PTPRD: variants seen among roughly 807,000 people sequenced by gnomAD.
PTPRD encodes the protein receptor-type tyrosine-protein phosphatase delta.
A neutral mutation model predicts 214.5 loss-of-function variants in PTPRD; 34 were observed. The observed-to-expected ratio is 0.16, with a 90% CI of 0.12 to 0.21. PTPRD has a LOEUF of 0.21. PTPRD is among the 10% of genes least tolerant of loss of function. The pLI is 1.00. For synonymous variants in PTPRD, 1,128 were observed against 845.7 expected, an observed-to-expected ratio of 1.33 and a Z score of -5.79; for missense variants, 2,545 against 2,398.7, an observed-to-expected ratio of 1.06 and a Z score of -1.27.
At chr9:8,733,691 T>A in intron 12 of PTPRD, 89 bp downstream of exon 12, 2 of 1,316,832 alleles carry the variant, frequency 1.5e-6, no homozygotes, top group Non-Finnish European at 1.1e-6. Context: ...CCAAAGGAAA[T>A]GTATTCAGAG....
rs1459384641 is a variant in PTPRD at position 8,615,565 on chromosome 9, T to C, written c.352+17752A>G. ...TTTAGAAGCATTAGTTCACATTGCT[T>C]AAAAGACTAGCTAGCCTCAAGGGTA... On this transcript the variant is annotated intron_variant, in intron 14 of 45. Transcript: ENST00000381196. Among the ~76,000 whole-genome samples the C allele has an allele frequency of 5.8e-4, 88 of 152,068 alleles. 1 individual carries two copies. The highest frequency in any genetic ancestry group is 5.8e-3 in the Admixed American group (88 of 15,230).
chr9:9,213,732 T>C (rs896529810), intron 9 of PTPRD, among the ~76,000 whole-genome samples: 4 of 152,146 alleles, frequency 2.6e-5, no homozygotes, highest in South Asian at 2.1e-4. Flanking sequence ...TCATGTGAGA[T>C]GAAAGTAAGG....
At chr9:9,140,219 A>G (rs566293219) in intron 10 of PTPRD, among the ~76,000 whole-genome samples, 5 of 152,176 alleles carry the variant, frequency 3.3e-5, no homozygotes, top group African/African-American at 1.2e-4. Flanking sequence ...GAAAAAGAAA[A>G]AAAAGAAAAA....
At chr9:9,776,158 T>C (rs767312242) in intron 5 of PTPRD, among the ~76,000 whole-genome samples, 3 of 152,212 alleles carry the variant, frequency 2.0e-5, no homozygotes, top group South Asian at 2.1e-4. Flanking sequence ...CTAAACCACT[T>C]GCTGTCCACT....
At chr9:9,638,438 T>C (rs1283106288) in intron 7 of PTPRD, among the ~76,000 whole-genome samples, 2 of 152,196 alleles carry the variant, frequency 1.3e-5, no homozygotes, top group Non-Finnish European at 2.9e-5. Context: ...ATTTATCCAG[T>C]TTTAAATATC....
At chr9:10,356,782 G>A (rs561650115) in intron 2 of PTPRD, among the ~76,000 whole-genome samples, 2 of 151,746 alleles carry the variant, frequency 1.3e-5, no homozygotes, top group Non-Finnish European at 2.9e-5. Flanking sequence ...CAAGTTCAAG[G>A]GGTTCTCCTG....
chr9:10,310,726 G>A (rs190789535), intron 3 of PTPRD, among the ~76,000 whole-genome samples: 3 of 152,210 alleles, frequency 2.0e-5, no homozygotes, highest in Admixed American at 1.3e-4. Flanking sequence ...TTTGGTATAT[G>A]TATGCATTCC....
chr9:10,083,568 A>G (rs181392462), intron 3 of PTPRD, among the ~76,000 whole-genome samples: 4 of 152,170 alleles, frequency 2.6e-5, no homozygotes, highest in African/African-American at 9.6e-5. Context: ...AGAACTTAAT[A>G]TATAAATGCA....
intron 39 of PTPRD, among the ~76,000 whole-genome samples, chr9:8,343,855 C>G (rs900111747): frequency 6.6e-6 from 1 of 151,944 alleles, no homozygotes; most frequent in Non-Finnish European, 1.5e-5. Context: ...ATGAGCAGCC[C>G]GTCCCGGTAA....
intron 11 of PTPRD, among the ~76,000 whole-genome samples, chr9:8,778,184 C>T (rs560015428): frequency 1.3e-5 from 2 of 152,186 alleles, no homozygotes; most frequent in Admixed American, 6.5e-5. Flanking sequence ...AATTTAAGGC[C>T]GGCGTGATAG....
At position 9,089,810 on chromosome 9, in the gene PTPRD, C is replaced by G. The variant is rs324465; in HGVS notation, c.-142-71075G>C. Among the ~76,000 whole-genome samples, 639 of 151,996 alleles carry G rather than the reference C, an allele frequency of 4.2e-3. 8 individuals carry two copies. Among genetic ancestry groups the G allele is most frequent in the South Asian group, 0.026 (124 of 4,824 alleles). On this transcript the variant is annotated intron_variant, in intron 10 of 45. Transcript: ENST00000381196. ...TTCCAAAGTAAGAAATAAGGAAACA[C>G]CTATAATATGTGGGGAAAGCAGAAG...
chr9:10,515,098 C>T (rs1333637545), intron 2 of PTPRD, among the ~76,000 whole-genome samples: 1 of 151,864 alleles, frequency 6.6e-6, no homozygotes, highest in Non-Finnish European at 1.5e-5. Context: ...TTATCCCACC[C>T]ACAATTTCTC....
At position 10,014,549 on chromosome 9, in the gene PTPRD, A is replaced by T. The variant is rs115639711; in HGVS notation, c.-472+19169T>A. On this transcript the variant is annotated intron_variant, in intron 4 of 45. Transcript: ENST00000381196. ...CTCTAGAAATAATGCATTTCCTTAC[A>T]AAATTATATTTTATTTACATGTCAT... Among the ~76,000 whole-genome samples the T allele has an allele frequency of 6.5e-3, 995 of 152,142 alleles. 9 individuals carry two copies. Among genetic ancestry groups the T allele is most frequent in the African/African-American group, 0.022 (927 of 41,558 alleles).
At chr9:8,349,937 T>TTG (rs1470623302) in intron 39 of PTPRD, among the ~76,000 whole-genome samples, 34 of 151,964 alleles carry the variant, frequency 2.2e-4, no homozygotes, top group African/African-American at 8.0e-4. Flanking sequence ...TTAGTGGTTT[T>TTG]TTTTTTTTTT....
chr9:8,376,582 G>A (rs2134897004), intron 38 of PTPRD, 25 bp downstream of exon 38: 1 of 1,612,040 alleles, frequency 6.2e-7, no homozygotes, highest in Non-Finnish European at 8.5e-7. Context: ...AAGGGAAAGG[G>A]AGGAGAAAAA....
chr9:9,737,272 A>G (rs2098315657), intron 6 of PTPRD, among the ~76,000 whole-genome samples: 1 of 152,132 alleles, frequency 6.6e-6, no homozygotes, highest in South Asian at 2.1e-4. Flanking sequence ...GTCTTACACA[A>G]TATGCCTAAT....
chr9:9,324,710 T>C (rs1411945970), intron 9 of PTPRD, among the ~76,000 whole-genome samples: 18 of 152,250 alleles, frequency 1.2e-4, no homozygotes, highest in Non-Finnish European at 2.4e-4. Context: ...ATCCCATTTG[T>C]CTATTTTGGC....
rs2095864357 is a variant in PTPRD, at chr9:8,449,785, T to A, written c.3928A>T (p.Ile1310Phe). The change falls in exon 34 of 46, where the codon ATC becomes TTC. Residue 1310 changes from isoleucine to phenylalanine, a missense_variant. Transcript: ENST00000381196. ...RKSSIPNNKE[I>F]PSHHPTDPVE... ...GGGTCTGTTGGGTGGTGTGAAGGGA[T>A]CTCCTTATTGTTCGGTATGCTGCTT... The A allele has an allele frequency of 6.2e-7, 1 of 1,614,076 alleles. No individual in the cohort carries two copies. Among genetic ancestry groups the A allele is most frequent in the Non-Finnish European group, 8.5e-7 (1 of 1,179,974 alleles).
intron 8 of PTPRD, among the ~76,000 whole-genome samples, chr9:9,464,622 T>G (rs907960092): frequency 5.3e-5 from 8 of 152,174 alleles, no homozygotes; most frequent in Non-Finnish European, 1.0e-4. Flanking sequence ...GTTTAGTTCT[T>G]AAGTCTGATC....
Sources: allele counts gnomAD v4.1 joint callset (sites outside exome capture counted in the v4.1 genomes callset), GRCh38; gene constraint gnomAD v4.1.1; transcripts MANE v1.5; gene names NCBI Gene and HGNC (gene_info 2026-07-23, HGNC 2026-07-21).